TNXB: variants seen among roughly 807,000 people sequenced by gnomAD.
TNXB encodes tenascin-X.
In TNXB, 183 loss-of-function variants were observed where a neutral mutation model predicts 340.5. The observed-to-expected ratio is 0.54, with a 90% CI of 0.48 to 0.61. The LOEUF (loss-of-function observed/expected upper bound fraction) is 0.61. TNXB is among the 20% of genes least tolerant of loss of function. The pLI, the probability that TNXB is intolerant of heterozygous loss-of-function variation, is 0.00. For synonymous variants in TNXB, 2,121 were observed against 2,314.5 expected (o/e 0.92, Z 2.40); for missense variants, 4,613 against 5,446.4 (o/e 0.85, Z 4.82).
At chr6:32,063,283 A>G (rs1338145612) in intron 19 of TNXB, among the ~76,000 whole-genome samples, 1 of 151,300 alleles carries the variant, frequency 6.6e-6, no homozygotes, top group Non-Finnish European at 1.5e-5. Context: ...AGCTACTCGG[A>G]AGGCTGAGGC....
rs1776897596 is a variant in TNXB at position 32,046,513 on chromosome 6, G to A, written c.10325-57C>T. On this transcript the variant is annotated intron_variant, in intron 30 of 43. Transcript: ENST00000644971. The surrounding 1 kb of genome is among the most constrained non-coding windows in gnomAD (Gnocchi z 6.9). ...CACATGCTGCCTTTGCCTAAGCCCTGGCAGCCTCCCGGAGGTGTGAGGTTC... is the reference window on the plus strand; with the variant it reads ...CACATGCTGCCTTTGCCTAAGCCCTAGCAGCCTCCCGGAGGTGTGAGGTTC... 1 of 1,467,776 alleles carries A rather than the reference G, an allele frequency of 6.8e-7. No homozygotes were observed. The highest frequency in any genetic ancestry group is 9.1e-7 in the Non-Finnish European group (1 of 1,100,100). The allele number at this position is 1,467,776 out of a possible 1,614,324, so 90.9% of individuals were successfully genotyped here.
rs2856445 is a variant in TNXB at position 32,048,463 on chromosome 6, G to A, written c.9945C>T (p.Val3315=). Reference sequence around the variant, plus strand: ...GGGCCGGGTCCAGCCCCGAGACGGCGACCGCTCGGAGGTCTCCGCTCACAG... The same window carrying A: ...GGGCCGGGTCCAGCCCCGAGACGGCAACCGCTCGGAGGTCTCCGCTCACAG... ...AVPVSGDLRA[V]AVSGLDPARK... The change falls in exon 29 of 44, where the codon GTC becomes GTT. Residue 3315 remains valine (V), a synonymous_variant. Coordinates refer to ENST00000644971, the MANE Select transcript of TNXB (RefSeq NM_001365276.2). 10 of 1,590,826 alleles carry A rather than the reference G, an allele frequency of 6.3e-6. No homozygotes were observed. The highest frequency in any genetic ancestry group is 2.3e-5 in the South Asian group (2 of 88,398).
rs1157253370 is a variant in TNXB, at chr6:32,063,039, C to G, written c.6842-556G>C. On this transcript the variant is annotated intron_variant, in intron 19 of 43. Coordinates refer to ENST00000644971, the MANE Select transcript of TNXB (RefSeq NM_001365276.2). ...CACTGCACTCCATCCTGGGAGACAG[C>G]GAGACTCCTTCTCAAGAAAAAAACA... Among the ~76,000 whole-genome samples the G allele has an allele frequency of 5.9e-5, 9 of 151,326 alleles. No homozygotes were observed. The East Asian group carries it at 1.7e-3, about 29-fold the overall frequency.
Position 32,052,078 on chromosome 6 carries a change from G to T in TNXB, c.9115+592C>A, listed in dbSNP as rs1459236832. Among the ~76,000 whole-genome samples the T allele has an allele frequency of 6.6e-6, 1 of 152,194 alleles. No individual in the cohort carries two copies. Among genetic ancestry groups the T allele is most frequent in the Non-Finnish European group, 1.5e-5 (1 of 68,048 alleles). ...ATTAGAATGGCGAATTATGTCAAGT[G>T]TACTTTACTACAATAAAAAACAACA... On this transcript the variant is annotated intron_variant, in intron 26 of 43. Transcript: ENST00000644971. The surrounding 1 kb of genome is among the most constrained non-coding windows in gnomAD (Gnocchi z 4.7).
rs748071305 is a variant in TNXB at position 32,056,561 on chromosome 6, C to T, written c.8143+25G>A. ...AGGGTGACCCTCCCACGGCTCCCAC[C>T]CTGGGGCTGCCATCATCCACTCACC... On this transcript the variant is annotated intron_variant, in intron 23 of 43. Transcript: ENST00000644971. 5.0e-6 allele frequency: 8 copies of T among 1,610,942 alleles called. No individual in the cohort carries two copies. The South Asian group carries it at 8.8e-5, about 18-fold the overall frequency.
At position 32,072,170 on chromosome 6, in the gene TNXB, A is replaced by G. The variant is rs554703532; in HGVS notation, c.4810T>C (p.Phe1604Leu). The change falls in exon 13 of 44, where the codon TTC (phenylalanine) becomes CTC (leucine). Residue 1604 changes from phenylalanine to leucine, a missense_variant. Physicochemically the swap from Phe to Leu is conservative, Grantham distance 22. This residue lies in a region of TNXB where 4,327 missense variants were observed against 4,859.4 expected (regional missense o/e 0.89). Coordinates refer to ENST00000644971, the MANE Select transcript of TNXB (RefSeq NM_001365276.2). The surrounding 1 kb of genome is among the most constrained non-coding windows in gnomAD (Gnocchi z 4.4). ...GLSWTVPEGEFDSFVVQYKDR... is the reference protein window; with the variant it reads ...GLSWTVPEGELDSFVVQYKDR... ...TTGTACTGAACCACAAAGGAGTCGA[A>G]TTCACCCTCAGGGACTGTCCATGAG... 1 of 1,613,502 alleles carries G rather than the reference A, an allele frequency of 6.2e-7. No homozygotes were observed. The highest frequency in any genetic ancestry group is 8.5e-7 in the Non-Finnish European group (1 of 1,179,668).
intron 1 of TNXB, among the ~76,000 whole-genome samples, chr6:32,100,114 T>C (rs1299431536): frequency 6.6e-6 from 1 of 151,980 alleles, no homozygotes; most frequent in African/African-American, 2.4e-5. Context: ...TTTCTTTTTT[T>C]TTTTTTTTAA....
At position 32,043,676 on chromosome 6, in the gene TNXB, C is replaced by T. The variant is rs200774658; in HGVS notation, c.11530+73G>A. ...TCCACCACCTCCCTTTCACCCTCCT[C>T]GTTCTCTCTCAACTCCCACCCATGC... On this transcript the variant is annotated intron_variant, in intron 35 of 43. Transcript: ENST00000644971. The T allele has an allele frequency of 2.4e-4, 379 of 1,609,642 alleles. 1 individual carries two copies. Among genetic ancestry groups the T allele is most frequent in the Admixed American group, 9.5e-4 (57 of 59,954 alleles).
rs1780484048 is a variant in TNXB, at chr6:32,097,542, C to A, written c.404-93G>T. 3 of 1,432,780 alleles carry A rather than the reference C, an allele frequency of 2.1e-6. No homozygotes were observed. Among genetic ancestry groups the A allele is most frequent in the Non-Finnish European group, 2.8e-6 (3 of 1,073,032 alleles). The allele number at this position is 1,432,780 out of a possible 1,614,324, so 88.8% of individuals were successfully genotyped here. On this transcript the variant is annotated intron_variant, in intron 2 of 43. Coordinates refer to ENST00000644971, the MANE Select transcript of TNXB (RefSeq NM_001365276.2). The surrounding 1 kb of genome is among the most constrained non-coding windows in gnomAD (Gnocchi z 5.9). ...TCCTATGTGCAGGCCCCTAGCCAGG[C>A]TAGCCTCATCTCATAAGGCCATGTC...
intron 22 of TNXB, 91 bp downstream of exon 22, chr6:32,057,967 C>A: frequency 7.1e-7 from 1 of 1,407,668 alleles, no homozygotes; most frequent in East Asian, 2.3e-5. Context: ...CTGTGAGCCC[C>A]ATCAAGACAG....
chr6:32,106,680 AGCCCAG>A (rs1299621466), intron 1 of TNXB, among the ~76,000 whole-genome samples: 1 of 152,138 alleles, frequency 6.6e-6, no homozygotes, highest in African/African-American at 2.4e-5. Context: ...CACCCAAGAA[AGCCCAG>A]GCCGAGAGGC....
intron 1 of TNXB, among the ~76,000 whole-genome samples, chr6:32,107,873 G>C (rs948126888): frequency 1.3e-5 from 2 of 152,140 alleles, no homozygotes; most frequent in African/African-American, 4.8e-5. Flanking sequence ...CTAGGAGTGA[G>C]ACTAAAAAGG....
chr6:32,044,220 C>T (rs1413182109), intron 33 of TNXB, 91 bp from the exon 34 acceptor site: 4 of 1,086,496 alleles, frequency 3.7e-6, no homozygotes, highest in Admixed American at 4.7e-5. Flanking sequence ...AGCACAGGCT[C>T]ACCACCCCTT....
In TNXB at chr6:32,068,338, A is replaced by G; in HGVS notation, c.6220+52T>C. 1 of 1,592,000 alleles carries G rather than the reference A, an allele frequency of 6.3e-7. No homozygotes were observed. Among genetic ancestry groups the G allele is most frequent in the Admixed American group, 1.7e-5 (1 of 58,508 alleles). ...CCCCACCAGTCATCACCAAAGAGCA[A>G]GAGGGTGACCCTCCCATGGCTCCCA... On this transcript the variant is annotated intron_variant, in intron 17 of 43. Coordinates refer to ENST00000644971, the MANE Select transcript of TNXB (RefSeq NM_001365276.2). The surrounding 1 kb of genome is among the most constrained non-coding windows in gnomAD (Gnocchi z 5.3).
At position 32,074,750 on chromosome 6, in the gene TNXB, G is replaced by A. The variant is rs556720484; in HGVS notation, c.4376-798C>T. Among the ~76,000 whole-genome samples, 3 of 152,094 alleles carry A rather than the reference G, an allele frequency of 2.0e-5. No individual in the cohort carries two copies. The highest frequency in any genetic ancestry group is 2.4e-5 in the African/African-American group (1 of 41,480). On this transcript the variant is annotated intron_variant, in intron 11 of 43. Coordinates refer to ENST00000644971, the MANE Select transcript of TNXB (RefSeq NM_001365276.2). This position sits in a 1 kb window ranked among gnomAD's most constrained non-coding sequence, Gnocchi z 5.5. ...GGCTGGTGTGCGATGGCGCCCTCTC[G>A]GCTCACCGCAACCTACGCCTCCTGG...
In TNXB at chr6:32,084,455, CAACA is replaced by C; in HGVS notation, c.3399_3402del (p.Phe1133LeufsTer34). The stretch of plus-strand genomic sequence containing the variant: ...ACCAGCGGACCATGCCTCTTCTTGC[CAACA>C]AACCCATACAGGACAAATTTGTACT... On this transcript the variant is annotated frameshift_variant, in exon 8 of 44. Transcript: ENST00000644971. LOFTEE classifies it high-confidence loss of function. The surrounding 1 kb of genome is among the most constrained non-coding windows in gnomAD (Gnocchi z 5.5). 1 of 1,599,624 alleles carries C rather than the reference CAACA, an allele frequency of 6.3e-7. No individual in the cohort carries two copies. Among genetic ancestry groups the C allele is most frequent in the East Asian group, 2.2e-5 (1 of 44,620 alleles).
Position 32,088,775 on chromosome 6 carries a change from C to T in TNXB, c.2779+10G>A. On this transcript the variant is annotated intron_variant, in intron 6 of 43. Transcript: ENST00000644971. ...ACCAGGGCCCTTCCCTAACCTCTGG[C>T]CAGCCATACCTGTGTTGGCCCTGAC... 6.4e-7 allele frequency: 1 copy of T among 1,560,584 alleles called. No homozygotes were observed. Among genetic ancestry groups the T allele is most frequent in the Non-Finnish European group, 8.7e-7 (1 of 1,153,540 alleles).
At position 32,096,051 on chromosome 6, in the gene TNXB, T is replaced by G; in HGVS notation, c.1802A>C (p.Gln601Pro). The change falls in exon 3 of 44, where the codon CAG (glutamine) becomes CCG (proline). Residue 601 changes from glutamine (Q) to proline (P), a missense_variant. Gln to Pro is a moderately conservative substitution (Grantham distance 76, BLOSUM62 -1). This residue lies in a region of TNXB where 4,327 missense variants were observed against 4,859.4 expected (regional missense o/e 0.89). Coordinates refer to ENST00000644971, the MANE Select transcript of TNXB (RefSeq NM_001365276.2). ...TTCCCAACAGATGCACACACCGTCC[T>G]GGCACACGCCGTGCTGGCTGCAGTC... ...PNDCSQHGVC[Q>P]DGVCICWEGY... 1 of 1,613,156 alleles carries G rather than the reference T, an allele frequency of 6.2e-7. No individual in the cohort carries two copies. Among genetic ancestry groups the G allele is most frequent in the Non-Finnish European group, 8.5e-7 (1 of 1,179,766 alleles).
rs1436629858 is a variant in TNXB at position 32,062,510 on chromosome 6, C to T, written c.6842-27G>A. 8 of 1,556,608 alleles carry T rather than the reference C, an allele frequency of 5.1e-6. No homozygotes were observed. The highest frequency in any genetic ancestry group is 7.0e-6 in the Non-Finnish European group (8 of 1,148,318). On this transcript the variant is annotated intron_variant, in intron 19 of 43. Transcript: ENST00000644971. The surrounding 1 kb of genome is among the most constrained non-coding windows in gnomAD (Gnocchi z 4.3). Reference sequence around the variant, plus strand: ...TGCATCAGAAAATAGAATGGGTGGGCATGCCTGGTGGGCCTCCTTTTAACC... The same window carrying T: ...TGCATCAGAAAATAGAATGGGTGGGTATGCCTGGTGGGCCTCCTTTTAACC...
Sources: allele counts gnomAD v4.1 joint callset (sites outside exome capture counted in the v4.1 genomes callset), GRCh38; gene constraint gnomAD v4.1.1; regional missense constraint gnomAD v4.1.1; non-coding constraint Gnocchi (gnomAD v3.1); transcripts MANE v1.5; gene names NCBI Gene and HGNC (gene_info 2026-07-23, HGNC 2026-07-21).